Variants in SYT1 observed in about 807,000 individuals in gnomAD.
SYT1 encodes the protein synaptotagmin-1.
In SYT1, 8 loss-of-function variants were observed where a neutral mutation model predicts 44.8. That is an observed-to-expected ratio of 0.18 (90% CI 0.10 to 0.32). SYT1 has a LOEUF of 0.32. Among genes scored for constraint, SYT1 ranks in the 10% least tolerant of loss-of-function variants. The probability of loss-of-function intolerance (pLI) is 1.00; values close to 1 mark genes in which losing one functional copy is unlikely to be tolerated. For missense variants in SYT1, 286 were observed against 509.3 expected (o/e 0.56, Z 4.22); for synonymous variants, 154 against 188.8 (o/e 0.82, Z 1.51).
intron 3 of SYT1, among the ~76,000 whole-genome samples, chr12:79,146,661 A>G (rs911945981): frequency 3.9e-5 from 6 of 152,276 alleles, no homozygotes; most frequent in African/African-American, 1.4e-4. Flanking sequence ...TACTTCAACA[A>G]TTCTGGAAAA....
chr12:79,123,713 C>T (rs1868323608), intron 3 of SYT1, among the ~76,000 whole-genome samples: 1 of 152,120 alleles, frequency 6.6e-6, no homozygotes, highest in Admixed American at 6.6e-5. Flanking sequence ...TCTAAAGGTT[C>T]TGTTTTCCAT....
intron 1 of SYT1, among the ~76,000 whole-genome samples, chr12:78,943,567 C>T (rs1221723388): frequency 1.8e-4 from 27 of 152,082 alleles, no homozygotes; most frequent in African/African-American, 2.4e-5. Flanking sequence ...CACCAGGCCC[C>T]CTCTTTAACA....
At chr12:79,035,220 C>G (rs992202001) in intron 2 of SYT1, among the ~76,000 whole-genome samples, 11 of 151,700 alleles carry the variant, frequency 7.3e-5, no homozygotes, top group African/African-American at 2.7e-4. Context: ...TGGAGCAAAC[C>G]AAGGTTTAAA....
In SYT1 at chr12:78,984,937, G is replaced by A. The variant is rs570552925; in HGVS notation, c.-84+7006G>A. On this transcript the variant is annotated intron_variant, in intron 2 of 10. Transcript: ENST00000261205. ...AAAACCGCAGTTATTTGTAGTTTGC[G>A]ACATAATCTTGTAAGAAAATAAGTT... 1.3e-3 allele frequency among the ~76,000 whole-genome samples: 190 copies of A among 151,924 alleles called. 1 individual carries two copies. Among genetic ancestry groups the A allele is most frequent in the African/African-American group, 4.3e-3 (178 of 41,498 alleles).
intron 2 of SYT1, among the ~76,000 whole-genome samples, chr12:79,007,599 A>G (rs1309953873): frequency 6.6e-6 from 1 of 152,124 alleles, no homozygotes; most frequent in Admixed American, 6.6e-5. Context: ...AATTTAATAG[A>G]TCATTTGAAC....
intron 8 of SYT1, among the ~76,000 whole-genome samples, chr12:79,307,637 T>TGG (rs545660437): frequency 2.8e-4 from 4 of 14,074 alleles, no homozygotes; most frequent in Non-Finnish European, 4.2e-4. Context: ...TGGGGGGGCG[T>TGG]GGGGGGGGGC....
chr12:79,213,210 C>G (rs1874568249), intron 3 of SYT1, among the ~76,000 whole-genome samples: 1 of 152,112 alleles, frequency 6.6e-6, no homozygotes, highest in African/African-American at 2.4e-5. Context: ...CGAAACTTCT[C>G]TTCAGTATAT....
At chr12:79,088,118 G>T (rs1190301849) in intron 3 of SYT1, among the ~76,000 whole-genome samples, 1 of 151,992 alleles carries the variant, frequency 6.6e-6, no homozygotes, top group African/African-American at 2.4e-5. Context: ...AGATTAATAT[G>T]TTATTAACAT....
Position 79,060,245 on chromosome 12 carries a change from C to CACAGCATTATCCT in SYT1, c.-18+12883_-18+12884insACAGCATTATCCT, listed in dbSNP as rs1565787240. ...AAGTTATCCACGTCCCCAAACAAAA[C>CACAGCATTATCCT]CTACGTCCCTGTAACAAAAAGCTTT... On this transcript the variant is annotated intron_variant, in intron 3 of 10. Coordinates refer to ENST00000261205, the MANE Select transcript of SYT1 (RefSeq NM_005639.3). Among the ~76,000 whole-genome samples, 5 of 152,184 alleles carry CACAGCATTATCCT rather than the reference C, an allele frequency of 3.3e-5. No homozygotes were observed. In the East Asian group the frequency reaches 7.7e-4, roughly 24 times the overall value.
chr12:78,997,703 C>T (rs1395315454), intron 2 of SYT1, among the ~76,000 whole-genome samples: 1 of 148,184 alleles, frequency 6.7e-6, no homozygotes, highest in African/African-American at 2.5e-5. Context: ...AGGAAGAAAA[C>T]AGTGGAGTTT....
chr12:79,047,562 C>T (rs557077647), intron 3 of SYT1, among the ~76,000 whole-genome samples, 200 bp downstream of exon 3: 1 of 151,804 alleles, frequency 6.6e-6, no homozygotes, highest in Non-Finnish European at 1.5e-5. Context: ...GCAAAGTACT[C>T]GTTGTGATAC....
At chr12:79,241,057 C>T (rs1228286940) in intron 4 of SYT1, among the ~76,000 whole-genome samples, 3 of 152,044 alleles carry the variant, frequency 2.0e-5, no homozygotes, top group African/African-American at 7.3e-5. Flanking sequence ...CCTTTAGTCC[C>T]AGCTACTTAG....
At chr12:79,017,905 G>A (rs1482829238) in intron 2 of SYT1, among the ~76,000 whole-genome samples, 1 of 152,090 alleles carries the variant, frequency 6.6e-6, no homozygotes, top group Non-Finnish European at 1.5e-5. Context: ...GAAGAGGTCA[G>A]TAGGGATGGT....
At chr12:79,076,417 T>A (rs1229437757) in intron 3 of SYT1, among the ~76,000 whole-genome samples, 1 of 152,140 alleles carries the variant, frequency 6.6e-6, no homozygotes, top group African/African-American at 2.4e-5. Flanking sequence ...AATAGAATGT[T>A]ACCAAAATTT....
intron 3 of SYT1, among the ~76,000 whole-genome samples, chr12:79,173,592 C>A (rs1488812265): frequency 6.6e-6 from 1 of 151,934 alleles, no homozygotes; most frequent in African/African-American, 2.4e-5. Context: ...AGAAAGATTC[C>A]AGATGGTTGG....
At position 79,254,634 on chromosome 12, in the gene SYT1, C is replaced by T. The variant is rs551186282; in HGVS notation, c.167-31153C>T. On this transcript the variant is annotated intron_variant, in intron 4 of 10. Coordinates refer to ENST00000261205, the MANE Select transcript of SYT1 (RefSeq NM_005639.3). ...GTATATAGTTATTCTTCTAATGCAG[C>T]TGAGGAAAGTAAACTGAAAATCTTC... Among the ~76,000 whole-genome samples, 10 of 152,234 alleles carry T rather than the reference C, an allele frequency of 6.6e-5. No individual in the cohort carries two copies. In the East Asian group the frequency reaches 1.2e-3, roughly 18 times the overall value.
intron 3 of SYT1, among the ~76,000 whole-genome samples, chr12:79,119,450 A>C (rs1050494397): frequency 4.0e-5 from 6 of 151,674 alleles, no homozygotes; most frequent in African/African-American, 1.5e-4. Flanking sequence ...CCAGACACAC[A>C]ACTCCTTACA....
intron 8 of SYT1, among the ~76,000 whole-genome samples, chr12:79,311,901 G>T (rs955784987): frequency 1.4e-5 from 2 of 144,280 alleles, no homozygotes; most frequent in African/African-American, 5.1e-5. Flanking sequence ...ATAGCATTAG[G>T]AGATATACCT....
At chr12:79,050,791 C>A (rs1592701865) in intron 3 of SYT1, among the ~76,000 whole-genome samples, 1 of 152,022 alleles carries the variant, frequency 6.6e-6, no homozygotes, top group East Asian at 1.9e-4. Flanking sequence ...GCAAATATCC[C>A]AAATGTTACC....
Sources: gnomAD v4.1 joint callset for allele counts (sites outside exome capture counted in the v4.1 genomes callset) on GRCh38, gnomAD v4.1.1 for gene constraint, MANE v1.5 for transcripts, NCBI Gene and HGNC (gene_info 2026-07-23, HGNC 2026-07-21) for gene names.